Variants in EYA3 observed in about 807,000 individuals in gnomAD.
EYA3 encodes protein phosphatase EYA3.
In EYA3, 39 loss-of-function variants were observed where a neutral mutation model predicts 80.0. The observed-to-expected ratio is 0.49, with a 90% CI of 0.38 to 0.64. The LOEUF is 0.64. EYA3 is among the 30% of genes least tolerant of loss of function. The probability of loss-of-function intolerance (pLI) is 0.00; values close to 1 mark genes in which losing one functional copy is unlikely to be tolerated. For missense variants in EYA3, 523 were observed against 676.1 expected (o/e 0.77, Z 2.51); for synonymous variants, 206 against 232.8 (o/e 0.88, Z 1.05).
chr1:28,086,929 GAA>G (rs1645677886), intron 1 of EYA3, among the ~76,000 whole-genome samples: 1 of 152,190 alleles, frequency 6.6e-6, no homozygotes, highest in African/African-American at 2.4e-5. Flanking sequence ...AAAAACAGCT[GAA>G]GAGAGCCCAA....
chr1:28,047,783 C>T (rs974855679), intron 3 of EYA3, among the ~76,000 whole-genome samples: 2 of 152,002 alleles, frequency 1.3e-5, no homozygotes, highest in East Asian at 1.9e-4. Flanking sequence ...GGACCACAGG[C>T]GCCCGCCAAC....
intron 2 of EYA3, among the ~76,000 whole-genome samples, chr1:28,049,272 T>C (rs1275083402): frequency 6.6e-6 from 1 of 152,168 alleles, no homozygotes; most frequent in Non-Finnish European, 1.5e-5. Flanking sequence ...GTCGTGGCCA[T>C]ATACTCCTCA....
intron 4 of EYA3, among the ~76,000 whole-genome samples, chr1:28,040,330 G>C (rs1254447611): frequency 6.6e-6 from 1 of 152,186 alleles, no homozygotes; most frequent in Non-Finnish European, 1.5e-5. Flanking sequence ...TTTGGGAGAA[G>C]AGTGTATGTC....
chr1:28,085,906 C>A (rs1374859715), intron 1 of EYA3, among the ~76,000 whole-genome samples: 1 of 152,112 alleles, frequency 6.6e-6, no homozygotes, highest in African/African-American at 2.4e-5. Context: ...AATATACAGG[C>A]CAAAGTCATT....
chr1:27,975,940 G>C (rs558889676), intron 17 of EYA3, among the ~76,000 whole-genome samples: 1 of 152,178 alleles, frequency 6.6e-6, no homozygotes, highest in Non-Finnish European at 1.5e-5. Flanking sequence ...TTTTAAAGGA[G>C]GGCTTTGATA....
At chr1:27,983,716 C>T (rs958212735) in intron 16 of EYA3, among the ~76,000 whole-genome samples, 16 of 152,020 alleles carry the variant, frequency 1.1e-4, no homozygotes, top group African/African-American at 2.9e-4. Context: ...AGTGCAATGG[C>T]GCAATCTTGG....
intron 12 of EYA3, 119 bp from the exon 13 acceptor site, chr1:27,997,497 T>G: frequency 2.3e-6 from 2 of 882,054 alleles, no homozygotes; most frequent in Non-Finnish European, 3.7e-6. Flanking sequence ...ATGGAATCTC[T>G]TATGTGTGGG....
intron 1 of EYA3, among the ~76,000 whole-genome samples, chr1:28,080,299 C>A (rs541674879): frequency 7.3e-5 from 11 of 149,888 alleles, no homozygotes; most frequent in South Asian, 4.3e-4. Flanking sequence ...AACAAACAAA[C>A]AAAAAAAATT....
chr1:28,075,990 C>A (rs954507216), intron 1 of EYA3, among the ~76,000 whole-genome samples: 1 of 151,896 alleles, frequency 6.6e-6, no homozygotes, highest in Non-Finnish European at 1.5e-5. Flanking sequence ...CACAAATATC[C>A]AGCAGACCTA....
intron 2 of EYA3, among the ~76,000 whole-genome samples, chr1:28,050,099 TTTAG>T (rs1179232087): frequency 6.6e-6 from 1 of 151,744 alleles, no homozygotes; most frequent in East Asian, 1.9e-4. Context: ...GAGCAACAAA[TTTAG>T]TTAATCAACT....
At chr1:28,080,051 T>C (rs1434271679) in intron 1 of EYA3, among the ~76,000 whole-genome samples, 1 of 152,158 alleles carries the variant, frequency 6.6e-6, no homozygotes, top group Non-Finnish European at 1.5e-5. Context: ...AAAATTCAAT[T>C]TCACCTAAAA....
intron 4 of EYA3, 70 bp downstream of exon 4, chr1:28,042,501 C>T: frequency 7.1e-7 from 1 of 1,404,180 alleles, no homozygotes. Context: ...TACGAAAAAC[C>T]AACTCTATAA....
intron 1 of EYA3, among the ~76,000 whole-genome samples, chr1:28,068,211 A>T (rs1445115950): frequency 6.6e-6 from 1 of 151,998 alleles, no homozygotes; most frequent in Non-Finnish European, 1.5e-5. Flanking sequence ...AGGCACCTGT[A>T]ATCCCAGCTA....
In EYA3 at chr1:28,085,493, C is replaced by G. The variant is rs369683926; in HGVS notation, c.-69+3031G>C. ...CAAACAAACAAACAAAAAACTACATCTCCGTAAACACAGGATTCAAGGACC... is the reference window on the plus strand; with the variant it reads ...CAAACAAACAAACAAAAAACTACATGTCCGTAAACACAGGATTCAAGGACC... On this transcript the variant is annotated intron_variant, in intron 1 of 17. Coordinates refer to ENST00000373871, the MANE Select transcript of EYA3 (RefSeq NM_001990.4). Among the ~76,000 whole-genome samples the G allele has an allele frequency of 4.6e-3, 693 of 152,204 alleles. 8 individuals carry two copies. The highest frequency in any genetic ancestry group is 0.016 in the African/African-American group (653 of 41,532).
At position 27,973,110 on chromosome 1, in the gene EYA3, G is replaced by C. The variant is rs898940003; in HGVS notation, c.*1356C>G. 9.2e-5 allele frequency: 14 copies of C among 152,204 alleles called. No individual in the cohort carries two copies. Among genetic ancestry groups the C allele is most frequent in the Non-Finnish European group, 1.5e-4 (10 of 68,050 alleles). 9.4% of individuals were successfully genotyped at this position (152,204 alleles called of 1,614,324 possible). On this transcript the variant is annotated 3_prime_UTR_variant, in exon 18 of 18. Transcript: ENST00000373871. ...ACTTTAGAATGGGATTTGAGAAGCAGGGTTTTCCATGGGAAAATTTAAATA... is the reference window on the plus strand; with the variant it reads ...ACTTTAGAATGGGATTTGAGAAGCACGGTTTTCCATGGGAAAATTTAAATA...
At position 28,013,345 on chromosome 1, in the gene EYA3, C is replaced by A; in HGVS notation, c.586-51G>T. 1 of 1,407,726 alleles carries A rather than the reference C, an allele frequency of 7.1e-7. No individual in the cohort carries two copies. The highest frequency in any genetic ancestry group is 9.5e-7 in the Non-Finnish European group (1 of 1,052,442). 87.2% of individuals were successfully genotyped at this position (1,407,726 alleles called of 1,614,324 possible). A position where few individuals can be genotyped will look rare whatever the true frequency, so the allele number is the denominator to read the frequency against. ...CAAGACTCTTATAGCATACATTAATCTCAACACAAGAGGCTTTCTTCTCCC... is the reference window on the plus strand; with the variant it reads ...CAAGACTCTTATAGCATACATTAATATCAACACAAGAGGCTTTCTTCTCCC... On this transcript the variant is annotated intron_variant, in intron 8 of 17. Coordinates refer to ENST00000373871, the MANE Select transcript of EYA3 (RefSeq NM_001990.4). This position sits in a 1 kb window ranked among gnomAD's most constrained non-coding sequence, Gnocchi z 4.0.
At chr1:28,017,960 C>T (rs913825605) in intron 7 of EYA3, among the ~76,000 whole-genome samples, 1 of 152,040 alleles carries the variant, frequency 6.6e-6, no homozygotes, top group Non-Finnish European at 1.5e-5. Context: ...TTTCGGAGGC[C>T]GAGGCAGGCA....
intron 7 of EYA3, among the ~76,000 whole-genome samples, chr1:28,024,946 T>C (rs1292244375): frequency 6.6e-6 from 1 of 152,166 alleles, no homozygotes; most frequent in African/African-American, 2.4e-5. Context: ...GATTAGGTTT[T>C]TGAGATAATT....
chr1:28,021,366 T>C (rs1642422754), intron 7 of EYA3, among the ~76,000 whole-genome samples: 2 of 152,196 alleles, frequency 1.3e-5, no homozygotes, highest in South Asian at 4.1e-4. Flanking sequence ...TTCTGTTTTC[T>C]TAATCACAGT....
Sources: allele counts gnomAD v4.1 joint callset (sites outside exome capture counted in the v4.1 genomes callset), GRCh38; gene constraint gnomAD v4.1.1; non-coding constraint Gnocchi (gnomAD v3.1); transcripts MANE v1.5; gene names NCBI Gene and HGNC (gene_info 2026-07-23, HGNC 2026-07-21).